The following PPARG variants were observed in gnomAD, a reference collection of about 807,000 sequenced individuals.
PPARG encodes peroxisome proliferator activated receptor gamma.
A neutral mutation model predicts 39.2 loss-of-function variants in PPARG; 17 were observed. That is an observed-to-expected ratio of 0.43 (90% CI 0.30 to 0.65). PPARG has a LOEUF of 0.65. Among genes scored for constraint, PPARG ranks in the 30% least tolerant of loss-of-function variants. The probability of loss-of-function intolerance (pLI) is 0.13; values close to 1 mark genes in which losing one functional copy is unlikely to be tolerated. For missense variants in PPARG, 406 were observed against 585.9 expected, an observed-to-expected ratio of 0.69 and a Z score of 3.17; for synonymous variants, 223 against 215.7, an observed-to-expected ratio of 1.03 and a Z score of -0.30.
intron 2 of PPARG, among the ~76,000 whole-genome samples, chr3:12,335,160 A>G (rs2047975448): frequency 6.6e-6 from 1 of 152,242 alleles, no homozygotes; most frequent in African/African-American, 2.4e-5. Flanking sequence ...AGAGCTCTGA[A>G]TACTCTGCAA....
intron 2 of PPARG, chr3:12,372,029 G>A (rs2049233813): frequency 1.4e-6 from 1 of 717,594 alleles, no homozygotes; most frequent in Non-Finnish European, 2.6e-6. Context: ...AAACAAATGA[G>A]AAGGGATTGA....
chr3:12,368,892 T>A (rs2049113234), intron 2 of PPARG, among the ~76,000 whole-genome samples: 1 of 152,200 alleles, frequency 6.6e-6, no homozygotes, highest in South Asian at 2.1e-4. Flanking sequence ...TACTTGAAAC[T>A]ACATTAAAAT....
upstream of PPARG, chr3:12,287,792 GCCC>G (rs1463511200): frequency 1.8e-4 from 3 of 16,876 alleles, no homozygotes; most frequent in East Asian, 4.1e-3. Context: ...GCGCGCCGCC[GCCC>G]CCGCCCCCGC....
At chr3:12,376,878 G>A (rs545258293) in intron 2 of PPARG, among the ~76,000 whole-genome samples, 13 of 152,210 alleles carry the variant, frequency 8.5e-5, no homozygotes, top group South Asian at 6.2e-4. Context: ...AGAAAGATAC[G>A]CCTATGATTT....
intron 2 of PPARG, among the ~76,000 whole-genome samples, chr3:12,334,918 C>T (rs577467560): frequency 6.6e-6 from 1 of 152,252 alleles, no homozygotes; most frequent in South Asian, 2.1e-4. Context: ...TATTCCCATA[C>T]TTAACTTTTA....
At chr3:12,430,889 T>C (rs2051637886) in intron 7 of PPARG, among the ~76,000 whole-genome samples, 1 of 152,038 alleles carries the variant, frequency 6.6e-6, no homozygotes, top group African/African-American at 2.4e-5. Flanking sequence ...TGACAGAACA[T>C]AGGGTGTTTG....
chr3:12,369,880 ACTC>A (rs2049147746), intron 2 of PPARG, among the ~76,000 whole-genome samples: 1 of 151,732 alleles, frequency 6.6e-6, no homozygotes, highest in Admixed American at 6.6e-5. Context: ...AGTAATAAAA[ACTC>A]CTCTGAAAGT....
At chr3:12,409,992 A>G (rs993948340) in intron 6 of PPARG, among the ~76,000 whole-genome samples, 3 of 152,168 alleles carry the variant, frequency 2.0e-5, no homozygotes, top group African/African-American at 7.2e-5. Context: ...CTTTAACATC[A>G]TATCCTTGGT....
chr3:12,327,405 G>A (rs1430944500), intron 2 of PPARG, among the ~76,000 whole-genome samples: 1 of 152,168 alleles, frequency 6.6e-6, no homozygotes, highest in Admixed American at 6.5e-5. Context: ...TTGGTAAGAA[G>A]TCCAGTAAAG....
chr3:12,406,047 G>A lies in PPARG; in HGVS notation c.695G>A (p.Arg232Lys). The part of the protein sequence containing the change: ...KSFPLTKAKA[R>K]AILTGKTTDK... The stretch of plus-strand genomic sequence containing the variant: ...TTCCCGCTGACCAAAGCAAAGGCGA[G>A]GGCGATCTTGACAGGAAAGACAACA... The change falls in exon 6 of 8, where the codon AGG (arginine) becomes AAG (lysine). Residue 232 changes from arginine (R) to lysine (K), a missense_variant. Arg to Lys is a conservative substitution (Grantham distance 26, BLOSUM62 2). Transcript: ENST00000651735. The A allele has an allele frequency of 6.2e-7, 1 of 1,614,114 alleles. No homozygotes were observed. Among genetic ancestry groups the A allele is most frequent in the Non-Finnish European group, 8.5e-7 (1 of 1,180,004 alleles).
At chr3:12,430,347 G>C (rs1054272417) in intron 7 of PPARG, among the ~76,000 whole-genome samples, 1 of 152,194 alleles carries the variant, frequency 6.6e-6, no homozygotes, top group Non-Finnish European at 1.5e-5. Flanking sequence ...GGTTCAGAAC[G>C]TAGTCTCTGC....
intron 2 of PPARG, among the ~76,000 whole-genome samples, chr3:12,321,889 T>C (rs920249664): frequency 5.3e-5 from 8 of 152,230 alleles, no homozygotes; most frequent in Non-Finnish European, 1.0e-4. Flanking sequence ...CTTAATACAA[T>C]TCCTACCAAA....
At position 12,318,129 on chromosome 3, in the gene PPARG, G is replaced by A. The variant is rs193235987; in HGVS notation, c.-9+5676G>A. ...GCTGGGACTACAGGCACACACCACCGCACCTGGCTAATTGCTAAATTATTT... is the reference window on the plus strand; with the variant it reads ...GCTGGGACTACAGGCACACACCACCACACCTGGCTAATTGCTAAATTATTT... On this transcript the variant is annotated intron_variant, in intron 2 of 7. Coordinates refer to ENST00000651735, the MANE Select transcript of PPARG (RefSeq NM_138711.6). 6.7e-4 allele frequency among the ~76,000 whole-genome samples: 102 copies of A among 152,138 alleles called. 1 individual carries two copies. The highest frequency in any genetic ancestry group is 3.7e-4 in the Non-Finnish European group (25 of 67,992).
At chr3:12,392,543 C>T (rs1441752989) in intron 4 of PPARG, 71 bp from the exon 5 acceptor site, 2 of 1,562,248 alleles carry the variant, frequency 1.3e-6, no homozygotes, top group Non-Finnish European at 1.8e-6. Flanking sequence ...GCCAGTATAC[C>T]TTTCGCTGTA....
At chr3:12,404,908 A>G (rs1411144960) in intron 5 of PPARG, among the ~76,000 whole-genome samples, 1 of 152,208 alleles carries the variant, frequency 6.6e-6, no homozygotes, top group African/African-American at 2.4e-5. Flanking sequence ...GCGCTCGAGG[A>G]GCATATAGTC....
intron 2 of PPARG, among the ~76,000 whole-genome samples, chr3:12,374,292 G>A (rs888433892): frequency 6.6e-6 from 1 of 152,066 alleles, no homozygotes. Context: ...ATGATATTAT[G>A]TCTTTGTCAA....
chr3:12,355,054 A>G (rs1043090646), intron 2 of PPARG, among the ~76,000 whole-genome samples: 2 of 152,340 alleles, frequency 1.3e-5, no homozygotes, highest in South Asian at 4.1e-4. Flanking sequence ...TTTTCTTCTC[A>G]GAGGCATTGA....
At chr3:12,315,183 C>T (rs890109915) in intron 2 of PPARG, among the ~76,000 whole-genome samples, 12 of 152,116 alleles carry the variant, frequency 7.9e-5, no homozygotes, top group South Asian at 2.1e-4. Flanking sequence ...TTTTAAACTT[C>T]GCATATGAGT....
At chr3:12,416,645 G>T in intron 6 of PPARG, 59 bp from the exon 7 acceptor site, 1 of 1,496,796 alleles carries the variant, frequency 6.7e-7, no homozygotes, top group Non-Finnish European at 9.2e-7. Flanking sequence ...ACCTGGGATG[G>T]CATTCACTGT....
Sources: allele counts gnomAD v4.1 joint callset (sites outside exome capture counted in the v4.1 genomes callset), GRCh38; gene constraint gnomAD v4.1.1; transcripts MANE v1.5; gene names NCBI Gene and HGNC (gene_info 2026-07-23, HGNC 2026-07-21).